SOX5: variants seen among roughly 807,000 people sequenced by gnomAD.
The protein encoded by SOX5 is SRY-box transcription factor 5, also known as transcription factor SOX-5.
A neutral mutation model predicts 92.0 loss-of-function variants in SOX5; 9 were observed. The ratio of observed to expected loss-of-function variants is 0.10; its 90% CI spans 0.06 to 0.17. SOX5 has a LOEUF of 0.17. Among genes scored for constraint, SOX5 ranks in the 10% least tolerant of loss-of-function variants. SOX5 has a pLI of 1.00. For synonymous variants in SOX5, 344 were observed against 336.3 expected (o/e 1.02, Z -0.25); for missense variants, 642 against 944.5 (o/e 0.68, Z 4.20).
chr12:23,604,546 AAGAG>A lies in SOX5; in HGVS notation c.1018-17_1018-14del. 1 of 1,612,102 alleles carries A rather than the reference AAGAG, an allele frequency of 6.2e-7. No individual in the cohort carries two copies. Among genetic ancestry groups the A allele is most frequent in the Non-Finnish European group, 8.5e-7 (1 of 1,178,542 alleles). On this transcript the variant is annotated splice_polypyrimidine_tract_variant and intron_variant, in intron 8 of 14. Transcript: ENST00000451604. The stretch of plus-strand genomic sequence containing the variant: ...CAGCATATAACTGCTACAGAAGAAA[AAGAG>A]AGAGAGGGAGAAAGAATACTGTGAA...
At chr12:24,432,361 G>C (rs1474213673) in intron 1 of SOX5, among the ~76,000 whole-genome samples, 4 of 152,160 alleles carry the variant, frequency 2.6e-5, no homozygotes, top group African/African-American at 9.7e-5. Flanking sequence ...TGAGCACAGT[G>C]ACTGTCACGT....
chr12:24,039,527 T>C (rs1956333254), intron 4 of SOX5, among the ~76,000 whole-genome samples: 1 of 152,184 alleles, frequency 6.6e-6, no homozygotes. Flanking sequence ...CATTCTCACC[T>C]ATATATTAAC....
At chr12:24,473,642 C>A (rs573651149) in intron 1 of SOX5, among the ~76,000 whole-genome samples, 148 of 152,264 alleles carry the variant, frequency 9.7e-4, no homozygotes, top group African/African-American at 3.2e-3. Flanking sequence ...AGTTCAATTG[C>A]TGTTGAACAA....
Position 23,739,152 on chromosome 12 carries a change from T to A in SOX5, c.741+1715A>T, listed in dbSNP as rs190557196. ...TTACAGGGATGTGTAGACACACGAA[T>A]ATTAAATAGTGGCCATCCTCCACCT... On this transcript the variant is annotated intron_variant, in intron 5 of 14. Transcript: ENST00000451604. Among the ~76,000 whole-genome samples the A allele has an allele frequency of 3.1e-3, 479 of 152,280 alleles. 2 individuals carry two copies. Among genetic ancestry groups the A allele is most frequent in the South Asian group, 8.1e-3 (39 of 4,822 alleles).
intron 1 of SOX5, among the ~76,000 whole-genome samples, chr12:24,451,612 A>G (rs1282888772): frequency 6.6e-6 from 1 of 152,178 alleles, no homozygotes; most frequent in East Asian, 1.9e-4. Context: ...TTAACTCTTC[A>G]TGGAAGATAA....
At chr12:24,387,438 T>G (rs996622284) in intron 1 of SOX5, among the ~76,000 whole-genome samples, 3 of 152,184 alleles carry the variant, frequency 2.0e-5, no homozygotes, top group Admixed American at 6.5e-5. Flanking sequence ...CGTTTTCCAG[T>G]ATGACCCAGG....
At chr12:24,443,079 G>A (rs1275885894) in intron 1 of SOX5, among the ~76,000 whole-genome samples, 4 of 150,694 alleles carry the variant, frequency 2.7e-5, no homozygotes, top group Admixed American at 6.7e-5. Context: ...AGCCTCCCGA[G>A]TAGCTGGGAC....
chr12:24,376,852 T>G (rs1241002878), intron 1 of SOX5, among the ~76,000 whole-genome samples: 3 of 149,898 alleles, frequency 2.0e-5, no homozygotes, highest in Non-Finnish European at 4.4e-5. Context: ...TACAGGTGTG[T>G]GCCCCATGCC....
At chr12:24,369,559 G>A (rs1385150743) in intron 1 of SOX5, among the ~76,000 whole-genome samples, 1 of 152,224 alleles carries the variant, frequency 6.6e-6, no homozygotes, top group Non-Finnish European at 1.5e-5. Context: ...GAGGACAACA[G>A]AAGCTCTGTC....
At chr12:23,835,607 T>C (rs992205603) in intron 3 of SOX5, among the ~76,000 whole-genome samples, 32 of 151,864 alleles carry the variant, frequency 2.1e-4, no homozygotes, top group Admixed American at 6.6e-5. Flanking sequence ...TTGATCTCTA[T>C]TGAGGCATAA....
chr12:24,074,906 G>GT (rs142927585), intron 4 of SOX5, among the ~76,000 whole-genome samples: 22,165 of 146,530 alleles, frequency 0.15, 2,022 homozygotes, highest in Middle Eastern at 0.23. Context: ...GTTTTATTTT[G>GT]TTTTTTTTTT....
At chr12:24,203,704 A>C (rs1185494923) in intron 4 of SOX5, among the ~76,000 whole-genome samples, 1 of 152,166 alleles carries the variant, frequency 6.6e-6, no homozygotes, top group East Asian at 1.9e-4. Context: ...TGAATCACTC[A>C]CCCATATCTT....
At chr12:23,883,422 T>C (rs1411675302) in intron 2 of SOX5, among the ~76,000 whole-genome samples, 1 of 152,234 alleles carries the variant, frequency 6.6e-6, no homozygotes, top group Non-Finnish European at 1.5e-5. Context: ...TACAGTCTTT[T>C]GTTCTGATAA....
chr12:24,068,431 A>G (rs1422192163), intron 4 of SOX5, among the ~76,000 whole-genome samples: 1 of 151,966 alleles, frequency 6.6e-6, no homozygotes, highest in Non-Finnish European at 1.5e-5. Context: ...AGAAACACCT[A>G]TATCATGTTA....
intron 13 of SOX5, among the ~76,000 whole-genome samples, chr12:23,541,007 T>C (rs1941922563): frequency 6.6e-6 from 1 of 152,034 alleles, no homozygotes; most frequent in South Asian, 2.1e-4. Flanking sequence ...GAGCCCAAAA[T>C]ACCTCAATGT....
Position 23,650,813 on chromosome 12 carries a change from G to T in SOX5, c.932-9916C>A, listed in dbSNP as rs1463299393. Among the ~76,000 whole-genome samples the T allele has an allele frequency of 2.6e-5, 4 of 152,114 alleles. No homozygotes were observed. The East Asian group carries it at 7.7e-4, about 29-fold the overall frequency. Reference sequence around the variant, plus strand: ...CCTTTGAAGACAACGTTAAGTCACTGAAAGGTTTTAAGCAGGAAAATAATA... The same window carrying T: ...CCTTTGAAGACAACGTTAAGTCACTTAAAGGTTTTAAGCAGGAAAATAATA... On this transcript the variant is annotated intron_variant, in intron 7 of 14. Transcript: ENST00000451604.
chr12:23,996,104 C>A (rs2136310545), intron 4 of SOX5, among the ~76,000 whole-genome samples: 1 of 152,158 alleles, frequency 6.6e-6, no homozygotes, highest in East Asian at 1.9e-4. Flanking sequence ...TTTAGGAAAT[C>A]AAATTATATC....
intron 6 of SOX5, among the ~76,000 whole-genome samples, chr12:23,671,614 T>C (rs767114683): frequency 6.6e-6 from 1 of 152,186 alleles, no homozygotes; most frequent in Non-Finnish European, 1.5e-5. Context: ...TGATTTTTCA[T>C]TTCATATAAA....
intron 2 of SOX5, among the ~76,000 whole-genome samples, chr12:24,324,657 A>G (rs1950510187): frequency 1.3e-5 from 2 of 152,178 alleles, no homozygotes; most frequent in South Asian, 4.1e-4. Context: ...TAAACTATCT[A>G]TGCTCATAGT....
Sources: gnomAD v4.1 joint callset for allele counts (sites outside exome capture counted in the v4.1 genomes callset) on GRCh38, gnomAD v4.1.1 for gene constraint, MANE v1.5 for transcripts, NCBI Gene and HGNC (gene_info 2026-07-23, HGNC 2026-07-21) for gene names.